The following PSMA5 variants were observed in gnomAD, a reference collection of about 807,000 sequenced individuals.
PSMA5 encodes the protein proteasome subunit alpha type-5.
Under a neutral mutation model 34.5 loss-of-function variants are expected in PSMA5, and 3 were observed. The ratio of observed to expected loss-of-function variants is 0.09; its 90% CI spans 0.04 to 0.22. The LOEUF is 0.22. Among genes scored for constraint, PSMA5 ranks in the 10% least tolerant of loss-of-function variants. PSMA5 has a pLI of 1.00. For missense variants in PSMA5, 120 were observed against 286.1 expected (o/e 0.42, Z 4.19); for synonymous variants, 88 against 95.8 (o/e 0.92, Z 0.47).
intron 2 of PSMA5, among the ~76,000 whole-genome samples, chr1:109,419,136 A>G (rs192685691): frequency 1.6e-4 from 25 of 152,214 alleles, no homozygotes; most frequent in African/African-American, 5.3e-4. Context: ...CTGGGCAACA[A>G]GAGCAAAACT....
intron 2 of PSMA5, among the ~76,000 whole-genome samples, chr1:109,417,033 A>T (rs1451969468): frequency 6.6e-6 from 1 of 152,186 alleles, no homozygotes; most frequent in African/African-American, 2.4e-5. Context: ...TGAGCCCGGG[A>T]GGCAGAGGTT....
chr1:109,410,514 A>G (rs1356379295), intron 7 of PSMA5, among the ~76,000 whole-genome samples: 1 of 152,244 alleles, frequency 6.6e-6, no homozygotes, highest in Non-Finnish European at 1.5e-5. Flanking sequence ...GCAGCCTTCA[A>G]TCACACCAAT....
At chr1:109,416,765 C>T (rs1372044202) in intron 2 of PSMA5, among the ~76,000 whole-genome samples, 1 of 152,062 alleles carries the variant, frequency 6.6e-6, no homozygotes, top group African/African-American at 2.4e-5. Context: ...CAGTGGATAC[C>T]TGCATAACTA....
At chr1:109,424,027 T>C (rs1207929761) in intron 1 of PSMA5, among the ~76,000 whole-genome samples, 1 of 152,232 alleles carries the variant, frequency 6.6e-6, no homozygotes, top group East Asian at 1.9e-4. Context: ...CCAGTCAGAC[T>C]GGACTTTTCC....
At chr1:109,421,982 C>T (rs1368265438) in intron 1 of PSMA5, 56 bp from the exon 2 acceptor site, 3 of 1,162,358 alleles carry the variant, frequency 2.6e-6, no homozygotes, top group African/African-American at 3.3e-5. Flanking sequence ...CATGTAGACA[C>T]TGAATTCAAG....
intron 7 of PSMA5, 46 bp downstream of exon 7, chr1:109,410,964 TA>T (rs1220410615): frequency 1.5e-6 from 2 of 1,378,196 alleles, no homozygotes; most frequent in African/African-American, 2.9e-5. Flanking sequence ...ATATGTAAAT[TA>T]TACCATGATA....
chr1:109,399,527 TGAAAA>T lies in PSMA5; in HGVS notation c.*2481_*2485del, dbSNP rs1403641618. The T allele has an allele frequency of 6.6e-6, 1 of 152,190 alleles. No homozygotes were observed. The highest frequency in any genetic ancestry group is 2.4e-5 in the African/African-American group (1 of 41,446). The allele number at this position is 152,190 out of a possible 1,614,324, so 9.4% of individuals were successfully genotyped here. A position where few individuals can be genotyped will look rare whatever the true frequency, so the allele number is the denominator to read the frequency against. On this transcript the variant is annotated 3_prime_UTR_variant, in exon 9 of 9. Coordinates refer to ENST00000271308, the MANE Select transcript of PSMA5 (RefSeq NM_002790.4). ...ATGAATGGTCTATTGTCTTACTGTCTGAAAAGAAAAAACAACTCAACAGTGCCACC... is the reference window on the plus strand; with the variant it reads ...ATGAATGGTCTATTGTCTTACTGTCTGAAAAAACAACTCAACAGTGCCACC...
intron 3 of PSMA5, among the ~76,000 whole-genome samples, chr1:109,413,571 T>C (rs1654083132): frequency 6.6e-6 from 1 of 152,132 alleles, no homozygotes; most frequent in African/African-American, 2.4e-5. Flanking sequence ...TGCCTCTCTG[T>C]CCCAAACACA....
intron 3 of PSMA5, among the ~76,000 whole-genome samples, chr1:109,413,900 T>G (rs1654097584): frequency 6.6e-6 from 1 of 152,232 alleles, no homozygotes; most frequent in South Asian, 2.1e-4. Context: ...TTGTTTGGAC[T>G]ATTACAAATT....
In PSMA5 at chr1:109,421,972, C is replaced by T. The variant is rs576087821; in HGVS notation, c.30-46G>A. ...ATTAATTATACTCATAAAAACTAGC[C>T]ATGTAGACACTGAATTCAAGTTCCT... On this transcript the variant is annotated intron_variant, in intron 1 of 8. Transcript: ENST00000271308. 5.7e-6 allele frequency: 7 copies of T among 1,223,086 alleles called. No individual in the cohort carries two copies. In the South Asian group the frequency reaches 1.0e-4, roughly 18 times the overall value. 75.8% of individuals were successfully genotyped at this position (1,223,086 alleles called of 1,614,324 possible).
At chr1:109,404,430 G>A (rs1215898159) in intron 8 of PSMA5, among the ~76,000 whole-genome samples, 3 of 152,142 alleles carry the variant, frequency 2.0e-5, no homozygotes, top group African/African-American at 7.2e-5. Flanking sequence ...TAAAGAGTGA[G>A]GGCCTAAAGA....
chr1:109,409,806 CGA>C (rs1430226082), intron 8 of PSMA5, 120 bp downstream of exon 8: 1 of 651,608 alleles, frequency 1.5e-6, no homozygotes, highest in Admixed American at 2.8e-5. Flanking sequence ...CCCAGCTACT[CGA>C]GAGGCTGGGG....
chr1:109,424,856 G>C (rs534323359), intron 1 of PSMA5, among the ~76,000 whole-genome samples: 22 of 152,106 alleles, frequency 1.4e-4, no homozygotes, highest in African/African-American at 5.3e-4. Flanking sequence ...GAGTGGTGGC[G>C]CGCGCCTGTA....
At chr1:109,415,067 A>T (rs1654137131) in intron 3 of PSMA5, among the ~76,000 whole-genome samples, 170 bp downstream of exon 3, 1 of 152,248 alleles carries the variant, frequency 6.6e-6, no homozygotes, top group Admixed American at 6.5e-5. Flanking sequence ...AACATAAATG[A>T]GTCCTGCAAC....
At chr1:109,417,242 A>C (rs1654244576) in intron 2 of PSMA5, among the ~76,000 whole-genome samples, 1 of 152,246 alleles carries the variant, frequency 6.6e-6, no homozygotes, top group African/African-American at 2.4e-5. Flanking sequence ...AATCCACTAT[A>C]ACAGAGAGTG....
chr1:109,420,230 A>C (rs575593919), intron 2 of PSMA5, among the ~76,000 whole-genome samples: 1 of 152,338 alleles, frequency 6.6e-6, no homozygotes, highest in East Asian at 1.9e-4. Flanking sequence ...ATGATCTTAC[A>C]AAATTATGAT....
chr1:109,416,721 T>C (rs1654216512), intron 2 of PSMA5, among the ~76,000 whole-genome samples: 1 of 152,228 alleles, frequency 6.6e-6, no homozygotes, highest in Admixed American at 6.5e-5. Context: ...TGTTATTAAA[T>C]GTACACCAGC....
At chr1:109,406,789 G>C (rs1653778289) in intron 8 of PSMA5, among the ~76,000 whole-genome samples, 1 of 152,124 alleles carries the variant, frequency 6.6e-6, no homozygotes, top group African/African-American at 2.4e-5. Context: ...TTTTTGGGAG[G>C]ATCAATATAA....
At chr1:109,410,103 G>T (rs1003272104) in intron 7 of PSMA5, 89 bp from the exon 8 acceptor site, 17 of 847,022 alleles carry the variant, frequency 2.0e-5, no homozygotes, top group Non-Finnish European at 3.3e-5. Flanking sequence ...ACTGAAAAAA[G>T]TATTTAGCAA....
Sources: allele counts gnomAD v4.1 joint callset (sites outside exome capture counted in the v4.1 genomes callset), GRCh38; gene constraint gnomAD v4.1.1; transcripts MANE v1.5; gene names NCBI Gene and HGNC (gene_info 2026-07-23, HGNC 2026-07-21).